The following INTU variants were observed in gnomAD, a reference collection of about 807,000 sequenced individuals.
INTU encodes the protein protein inturned.
INTU carries 68 observed loss-of-function variants against 100.5 expected under a neutral mutation model. That is an observed-to-expected ratio of 0.68 (90% confidence interval 0.56 to 0.83). The LOEUF (loss-of-function observed/expected upper bound fraction) is 0.83. Ranked by LOEUF, INTU falls within the 40% of genes least tolerant of loss-of-function variation. INTU has a pLI of 0.00. For synonymous variants in INTU, 357 were observed against 395.7 expected (o/e 0.90, Z 1.16); for missense variants, 1,071 against 1,114.7 (o/e 0.96, Z 0.56).
At chr4:127,703,176 A>T (rs1386095662) in intron 9 of INTU, among the ~76,000 whole-genome samples, 1 of 152,150 alleles carries the variant, frequency 6.6e-6, no homozygotes, top group Non-Finnish European at 1.5e-5. Context: ...AGTCCTTAAT[A>T]TTGCTGAATA....
intron 5 of INTU, 45 bp downstream of exon 5, chr4:127,669,199 T>C: frequency 1.1e-6 from 1 of 898,742 alleles, no homozygotes. Flanking sequence ...TTCAAGTTCT[T>C]TTATTTCACC....
At chr4:127,641,589 C>T (rs769996624) in intron 1 of INTU, among the ~76,000 whole-genome samples, 1 of 152,116 alleles carries the variant, frequency 6.6e-6, no homozygotes, top group Non-Finnish European at 1.5e-5. Context: ...CTGGGTGACT[C>T]TCCCGTATGG....
intron 2 of INTU, 86 bp from the exon 3 acceptor site, chr4:127,656,550 A>G: frequency 1.1e-6 from 1 of 903,116 alleles, no homozygotes; most frequent in Non-Finnish European, 1.8e-6. Context: ...TGAGGATGTC[A>G]GAGTAGCTGT....
Position 127,721,163 on chromosome 4 carries a change from C to G in INTU, c.*4727C>G, listed in dbSNP as rs1271949994. On this transcript the variant is annotated 3_prime_UTR_variant, in exon 16 of 16. Transcript: ENST00000335251. ...CTTCAGGAGCACTTGCAAGGCAGGC[C>G]TGGTGGTGACGAATTCCCTCAGCAT... The G allele has an allele frequency of 6.6e-6, 1 of 152,130 alleles. No individual in the cohort carries two copies. Among genetic ancestry groups the G allele is most frequent in the Non-Finnish European group, 1.5e-5 (1 of 68,024 alleles). 9.4% of individuals were successfully genotyped at this position (152,130 alleles called of 1,614,324 possible).
intron 14 of INTU, among the ~76,000 whole-genome samples, chr4:127,712,252 A>G (rs1170928275): frequency 1.3e-5 from 2 of 152,192 alleles, no homozygotes; most frequent in Non-Finnish European, 2.9e-5. Context: ...ATTCAGCAGT[A>G]AAATTCTGTG....
intron 4 of INTU, among the ~76,000 whole-genome samples, chr4:127,667,812 T>C (rs971999642): frequency 2.6e-5 from 4 of 152,118 alleles, no homozygotes; most frequent in African/African-American, 9.6e-5. Flanking sequence ...TTGGCCAGCA[T>C]ATTCTATAGC....
At chr4:127,643,452 T>A (rs1055821089) in intron 1 of INTU, 69 bp from the exon 2 acceptor site, 1 of 1,317,102 alleles carries the variant, frequency 7.6e-7, no homozygotes, top group African/African-American at 1.5e-5. Context: ...CTCACCCCCA[T>A]GCCAGGATGA....
chr4:127,644,185 G>A, intron 2 of INTU, 129 bp downstream of exon 2: 2 of 971,838 alleles, frequency 2.1e-6, no homozygotes, highest in Non-Finnish European at 3.0e-6. Flanking sequence ...ATGACATTTG[G>A]TACAGTAGAG....
chr4:127,664,611 A>G (rs1030245939), intron 4 of INTU, among the ~76,000 whole-genome samples: 5 of 152,102 alleles, frequency 3.3e-5, no homozygotes, highest in Non-Finnish European at 5.9e-5. Flanking sequence ...ACATCATGAT[A>G]TGATCCTCTC....
chr4:127,687,537 C>T, intron 7 of INTU, 141 bp from the exon 8 acceptor site: 2 of 643,830 alleles, frequency 3.1e-6, no homozygotes, highest in Non-Finnish European at 5.3e-6. Context: ...CAGTAACATT[C>T]TAGCAGCAAT....
At chr4:127,666,969 A>G (rs183113295) in intron 4 of INTU, among the ~76,000 whole-genome samples, 5 of 151,978 alleles carry the variant, frequency 3.3e-5, no homozygotes, top group African/African-American at 1.2e-4. Flanking sequence ...ACTTAGACAC[A>G]TTTTTTTTAT....
At chr4:127,712,867 T>A (rs1356966751) in intron 14 of INTU, among the ~76,000 whole-genome samples, 1 of 152,200 alleles carries the variant, frequency 6.6e-6, no homozygotes, top group African/African-American at 2.4e-5. Context: ...GTGCAAACCC[T>A]ACTGTGAACT....
chr4:127,713,874 A>C, intron 14 of INTU, 62 bp from the exon 15 acceptor site: 1 of 1,229,672 alleles, frequency 8.1e-7, no homozygotes, highest in South Asian at 1.6e-5. Context: ...TTACTCTGTG[A>C]AAACATTTTA....
chr4:127,690,833 C>T (rs919100902), intron 8 of INTU, among the ~76,000 whole-genome samples: 3 of 152,010 alleles, frequency 2.0e-5, no homozygotes, highest in Non-Finnish European at 4.4e-5. Context: ...AATTGATGAA[C>T]CTACATTGAC....
At chr4:127,679,918 A>G (rs1033840323) in intron 6 of INTU, among the ~76,000 whole-genome samples, 12 of 152,126 alleles carry the variant, frequency 7.9e-5, no homozygotes, top group South Asian at 2.1e-4. Context: ...ATGATAAAGG[A>G]GATATCACCA....
intron 12 of INTU, 111 bp downstream of exon 12, chr4:127,707,080 G>A: frequency 7.9e-7 from 1 of 1,264,120 alleles, no homozygotes; most frequent in Non-Finnish European, 1.1e-6. Context: ...ATTTGACATG[G>A]TGGTTATTTC....
At chr4:127,682,558 A>G (rs1163916614) in intron 6 of INTU, among the ~76,000 whole-genome samples, 2 of 136,146 alleles carry the variant, frequency 1.5e-5, no homozygotes, top group Admixed American at 8.6e-5. Flanking sequence ...GAACACATGG[A>G]CACAGGAAGG....
chr4:127,681,158 A>G lies in INTU; in HGVS notation c.1182-3251A>G, dbSNP rs886808354. Among the ~76,000 whole-genome samples, 137 of 152,300 alleles carry G rather than the reference A, an allele frequency of 9.0e-4. 1 individual carries two copies. The highest frequency in any genetic ancestry group is 3.1e-3 in the African/African-American group (127 of 41,572). On this transcript the variant is annotated intron_variant, in intron 6 of 15. Coordinates refer to ENST00000335251, the MANE Select transcript of INTU (RefSeq NM_015693.4). ...CTCATGGGTAGGAAAAATCAATATC[A>G]TGAAAATGGCCATACTGCCCAAGGT...
Position 127,643,981 on chromosome 4 carries a change from G to A in INTU, c.607G>A (p.Gly203Ser), listed in dbSNP as rs148393226. ...GAGCTGGAGAAGAACCGGAAAGCAG[G>A]GTGATGGAGAGAGGCTTGTGGTTCA... The part of the protein sequence containing the change: ...KWSWRRTGKQ[G>S]DGERLVVHGL... The change falls in exon 2 of 16, where the codon GGT becomes AGT. Residue 203 changes from glycine (G) to serine (S), a missense_variant. Gly to Ser is a moderately conservative substitution (Grantham distance 56). Transcript: ENST00000335251. 9.0e-5 allele frequency: 146 copies of A among 1,614,046 alleles called. No individual in the cohort carries two copies. The African/African-American group carries it at 1.6e-3, about 18-fold the overall frequency.
Sources: allele counts gnomAD v4.1 joint callset (sites outside exome capture counted in the v4.1 genomes callset), GRCh38; gene constraint gnomAD v4.1.1; transcripts MANE v1.5; gene names NCBI Gene and HGNC (gene_info 2026-07-23, HGNC 2026-07-21).